The following IPCEF1 variants were observed in gnomAD, a reference collection of about 807,000 sequenced individuals.
The protein encoded by IPCEF1 is interactor protein for cytohesin exchange factors 1.
In IPCEF1, 31 loss-of-function variants were observed where a neutral mutation model predicts 50.9. The observed-to-expected ratio is 0.61, with a 90% CI of 0.46 to 0.82. The LOEUF (loss-of-function observed/expected upper bound fraction) is 0.82. IPCEF1 is among the 40% of genes least tolerant of loss of function. The pLI, the probability that IPCEF1 is intolerant of heterozygous loss-of-function variation, is 0.00. For missense variants in IPCEF1, 458 were observed against 514.0 expected (o/e 0.89, Z 1.05); for synonymous variants, 181 against 192.0 (o/e 0.94, Z 0.47).
At chr6:154,224,251 T>C (rs1340594799) in intron 5 of IPCEF1, among the ~76,000 whole-genome samples, 1 of 152,270 alleles carries the variant, frequency 6.6e-6, no homozygotes, top group African/African-American at 2.4e-5. Flanking sequence ...TTCAGTTTAC[T>C]TGATCATTCT....
intron 1 of IPCEF1, among the ~76,000 whole-genome samples, chr6:154,334,696 G>C (rs894297145): frequency 2.0e-5 from 3 of 152,226 alleles, no homozygotes; most frequent in Non-Finnish European, 4.4e-5. Flanking sequence ...TCAAGCCTCA[G>C]CTTAGCCATT....
chr6:154,192,769 A>G (rs1434962111), intron 10 of IPCEF1, among the ~76,000 whole-genome samples: 1 of 152,248 alleles, frequency 6.6e-6, no homozygotes, highest in African/African-American at 2.4e-5. Flanking sequence ...GAAATGTTCA[A>G]TTAGTGATGG....
intron 2 of IPCEF1, among the ~76,000 whole-genome samples, chr6:154,269,180 AGAT>A (rs1439028882): frequency 1.3e-4 from 20 of 152,368 alleles, no homozygotes; most frequent in African/African-American, 4.1e-4. Context: ...CACTCACTAT[AGAT>A]GAGTTTCCAT....
intron 10 of IPCEF1, among the ~76,000 whole-genome samples, chr6:154,179,477 G>A (rs763031041): frequency 1.7e-4 from 26 of 152,246 alleles, no homozygotes; most frequent in Non-Finnish European, 1.3e-4. Context: ...CATTGGAGAC[G>A]GGAGCCAAAT....
chr6:154,336,303 G>A (rs1554226064), intron 1 of IPCEF1, among the ~76,000 whole-genome samples: 2 of 152,208 alleles, frequency 1.3e-5, no homozygotes, highest in Non-Finnish European at 2.9e-5. Flanking sequence ...TGAAGAAAAT[G>A]TGGTATATGT....
At chr6:154,332,321 A>G (rs1450928216) in intron 1 of IPCEF1, among the ~76,000 whole-genome samples, 1 of 143,360 alleles carries the variant, frequency 7.0e-6, no homozygotes, top group African/African-American at 2.6e-5. Flanking sequence ...TTTTTTAGAG[A>G]TAGGGTCATG....
chr6:154,292,573 TAG>T (rs1782541507), intron 1 of IPCEF1, among the ~76,000 whole-genome samples: 1 of 152,182 alleles, frequency 6.6e-6, no homozygotes. Flanking sequence ...AAAATCACCC[TAG>T]AGTAAGAAAC....
At chr6:154,356,324 A>G (rs1192156910) in intron 1 of IPCEF1, among the ~76,000 whole-genome samples, 1 of 152,198 alleles carries the variant, frequency 6.6e-6, no homozygotes, top group Non-Finnish European at 1.5e-5. Flanking sequence ...GCGGCCCCAG[A>G]GTGCTTCCCC....
At chr6:154,283,401 C>A (rs989142096) in intron 2 of IPCEF1, among the ~76,000 whole-genome samples, 2 of 151,390 alleles carry the variant, frequency 1.3e-5, no homozygotes, top group African/African-American at 4.9e-5. Context: ...TCATGACCAT[C>A]CTGGCTAACA....
intron 1 of IPCEF1, among the ~76,000 whole-genome samples, chr6:154,301,114 G>C (rs867226480): frequency 2.6e-5 from 4 of 152,298 alleles, no homozygotes; most frequent in Middle Eastern, 3.4e-3. Flanking sequence ...CATATATGCT[G>C]TATTTAAATT....
intron 1 of IPCEF1, among the ~76,000 whole-genome samples, chr6:154,351,327 C>T (rs1784115752): frequency 6.6e-6 from 1 of 152,114 alleles, no homozygotes; most frequent in Non-Finnish European, 1.5e-5. Context: ...TTGTGAACTA[C>T]CCAGGAATGG....
At chr6:154,194,927 C>G (rs1468352906) in intron 10 of IPCEF1, among the ~76,000 whole-genome samples, 1 of 151,998 alleles carries the variant, frequency 6.6e-6, no homozygotes, top group Non-Finnish European at 1.5e-5. Flanking sequence ...AACAAGATTA[C>G]TAGGTAATGT....
intron 1 of IPCEF1, among the ~76,000 whole-genome samples, chr6:154,340,865 C>G (rs1420250001): frequency 1.6e-5 from 2 of 124,964 alleles, no homozygotes; most frequent in Non-Finnish European, 1.6e-5. Context: ...GCCTGGGCAA[C>G]AAGAGCAAAA....
intron 3 of IPCEF1, among the ~76,000 whole-genome samples, chr6:154,258,501 G>T (rs1781515435): frequency 6.6e-6 from 1 of 152,138 alleles, no homozygotes; most frequent in African/African-American, 2.4e-5. Flanking sequence ...GGATACCATG[G>T]TACACACACT....
At chr6:154,195,791 ATT>A (rs34769762) in intron 10 of IPCEF1, among the ~76,000 whole-genome samples, 2,677 of 130,502 alleles carry the variant, frequency 0.021, 47 homozygotes, top group African/African-American at 0.064. Flanking sequence ...CTTGTTCACA[ATT>A]TTTTTTTTTT....
chr6:154,263,349 A>G (rs1362766925), intron 3 of IPCEF1, among the ~76,000 whole-genome samples: 2 of 147,380 alleles, frequency 1.4e-5, no homozygotes, highest in African/African-American at 5.0e-5. Flanking sequence ...CACATAAACA[A>G]GTGAACAAAG....
chr6:154,347,568 G>T (rs544434617), intron 1 of IPCEF1, among the ~76,000 whole-genome samples: 3 of 152,256 alleles, frequency 2.0e-5, no homozygotes, highest in Admixed American at 1.3e-4. Flanking sequence ...GCCCTGCATG[G>T]CCTGTTGGAA....
At chr6:154,276,077 G>A (rs964443706) in intron 2 of IPCEF1, among the ~76,000 whole-genome samples, 3 of 151,972 alleles carry the variant, frequency 2.0e-5, no homozygotes, top group African/African-American at 4.8e-5. Context: ...CCAGCTACCC[G>A]GGAGGCTGAA....
At chr6:154,282,293 G>A (rs1429850636) in intron 2 of IPCEF1, among the ~76,000 whole-genome samples, 1 of 152,194 alleles carries the variant, frequency 6.6e-6, no homozygotes, top group Non-Finnish European at 1.5e-5. Context: ...CATAAACCAA[G>A]AAACCAGTTA....
Sources: allele counts gnomAD v4.1 joint callset (sites outside exome capture counted in the v4.1 genomes callset), GRCh38; gene constraint gnomAD v4.1.1; transcripts MANE v1.5; gene names NCBI Gene and HGNC (gene_info 2026-07-23, HGNC 2026-07-21).